KIF26B: variants seen among roughly 807,000 people sequenced by gnomAD.
KIF26B encodes the protein kinesin family member 26B, also known as kinesin-like protein KIF26B.
In KIF26B, 63 loss-of-function variants were observed where a neutral mutation model predicts 151.2. That is an observed-to-expected ratio of 0.42 (90% CI 0.34 to 0.51). KIF26B has a LOEUF of 0.51. Among genes scored for constraint, KIF26B ranks in the 20% least tolerant of loss-of-function variants. The pLI is 0.07. For missense variants in KIF26B, 2,813 were observed against 2,913.6 expected (o/e 0.97, Z 0.79); for synonymous variants, 1,357 against 1,262.1 (o/e 1.08, Z -1.59).
At chr1:245,423,276 T>C (rs1406211268) in intron 4 of KIF26B, among the ~76,000 whole-genome samples, 1 of 152,084 alleles carries the variant, frequency 6.6e-6, no homozygotes, top group Non-Finnish European at 1.5e-5. Flanking sequence ...CAAACCCCCT[T>C]CATCTTCACA....
intron 2 of KIF26B, among the ~76,000 whole-genome samples, chr1:245,253,269 A>G (rs1044063708): frequency 7.2e-5 from 11 of 152,090 alleles, no homozygotes; most frequent in Non-Finnish European, 1.6e-4. Context: ...TTGGCCTCCC[A>G]AAGTGCTGGG....
At chr1:245,506,478 A>G (rs1163310573) in intron 4 of KIF26B, among the ~76,000 whole-genome samples, 1 of 152,140 alleles carries the variant, frequency 6.6e-6, no homozygotes, top group Non-Finnish European at 1.5e-5. Flanking sequence ...CTTAATCTGT[A>G]TTATGATCTT....
intron 4 of KIF26B, among the ~76,000 whole-genome samples, chr1:245,531,362 TG>T (rs1661354596): frequency 6.6e-6 from 1 of 152,202 alleles, no homozygotes; most frequent in Admixed American, 6.5e-5. Flanking sequence ...GTCCCAGGTC[TG>T]AGAGTCAGCA....
In KIF26B at chr1:245,623,573, G is replaced by A. The variant is rs542150913; in HGVS notation, c.2098+11597G>A. 5.3e-5 allele frequency among the ~76,000 whole-genome samples: 8 copies of A among 152,176 alleles called. No homozygotes were observed. The South Asian group carries it at 8.3e-4, about 16-fold the overall frequency. ...TTGAGCATCCCTAATCTGAAAATTC[G>A]AAATCCGAGATGCTCCAAATCTGAA... On this transcript the variant is annotated intron_variant, in intron 9 of 14. Coordinates refer to ENST00000407071, the MANE Select transcript of KIF26B (RefSeq NM_018012.4).
chr1:245,440,084 G>T (rs1366259849), intron 4 of KIF26B, among the ~76,000 whole-genome samples: 11 of 152,158 alleles, frequency 7.2e-5, no homozygotes, highest in Admixed American at 7.2e-4. Context: ...AGCCGGGCGT[G>T]GTGGCGGGAG....
chr1:245,310,622 GCTCATTCAGATGTTGC>G (rs1338746891), intron 2 of KIF26B, among the ~76,000 whole-genome samples: 1 of 152,230 alleles, frequency 6.6e-6, no homozygotes, highest in African/African-American at 2.4e-5. Context: ...TGTATTGGAA[GCTCATTCAGATGTTGC>G]CTTCTTTTGC....
rs1019659704 is a variant in KIF26B at position 245,173,615 on chromosome 1, G to C, written c.465+16932G>C. Among the ~76,000 whole-genome samples the C allele has an allele frequency of 3.9e-5, 6 of 152,290 alleles. No individual in the cohort carries two copies. In the South Asian group the frequency reaches 8.3e-4, roughly 21 times the overall value. On this transcript the variant is annotated intron_variant, in intron 2 of 14. Coordinates refer to ENST00000407071, the MANE Select transcript of KIF26B (RefSeq NM_018012.4). ...GATGCCTGGAGACGCGGGCCGGGGA[G>C]GCTGTGGTCCTGCACTCACTGCACA...
intron 9 of KIF26B, among the ~76,000 whole-genome samples, chr1:245,613,070 C>T (rs1037100558): frequency 6.6e-6 from 1 of 152,164 alleles, no homozygotes; most frequent in South Asian, 2.1e-4. Context: ...GGTAACGGGG[C>T]TGCTGGGCTG....
At chr1:245,391,111 G>A (rs568520388) in intron 3 of KIF26B, among the ~76,000 whole-genome samples, 3 of 151,966 alleles carry the variant, frequency 2.0e-5, no homozygotes, top group Non-Finnish European at 4.4e-5. Context: ...TATGGAATGG[G>A]TCAACGTCTG....
rs1485420124 is a variant in KIF26B at position 245,601,906 on chromosome 1, C to T, written c.1351-671C>T. 6.6e-6 allele frequency among the ~76,000 whole-genome samples: 1 copy of T among 152,190 alleles called. No homozygotes were observed. The highest frequency in any genetic ancestry group is 1.5e-5 in the Non-Finnish European group (1 of 68,036). ...ACCAGAGGTGCTCAGTGTTCAATCA[C>T]GCAGAAAGTGGGCTAAAGGGCAGCG... On this transcript the variant is annotated intron_variant, in intron 5 of 14. Coordinates refer to ENST00000407071, the MANE Select transcript of KIF26B (RefSeq NM_018012.4). The surrounding 1 kb of genome is among the most constrained non-coding windows in gnomAD (Gnocchi z 4.4).
chr1:245,619,859 G>C (rs2043639669), intron 9 of KIF26B, among the ~76,000 whole-genome samples: 1 of 152,088 alleles, frequency 6.6e-6, no homozygotes, highest in Non-Finnish European at 1.5e-5. Flanking sequence ...CTTGCAGTGA[G>C]CTGAGATCAC....
chr1:245,385,821 G>C (rs960858934), intron 3 of KIF26B, among the ~76,000 whole-genome samples: 1 of 152,194 alleles, frequency 6.6e-6, no homozygotes, highest in Non-Finnish European at 1.5e-5. Flanking sequence ...TGGCTTAGGA[G>C]GAAGACAGCA....
chr1:245,275,517 G>A (rs1670922193), intron 2 of KIF26B, among the ~76,000 whole-genome samples: 1 of 152,142 alleles, frequency 6.6e-6, no homozygotes, highest in Admixed American at 6.5e-5. Flanking sequence ...AAGATGTAAG[G>A]AAGGGGTCCA....
At chr1:245,326,065 C>T (rs139277373) in intron 2 of KIF26B, among the ~76,000 whole-genome samples, 3 of 152,296 alleles carry the variant, frequency 2.0e-5, no homozygotes, top group Non-Finnish European at 2.9e-5. Flanking sequence ...CCTACTCAGA[C>T]GGGCAATCAT....
chr1:245,433,890 G>T (rs147218767), intron 4 of KIF26B, among the ~76,000 whole-genome samples: 1 of 152,004 alleles, frequency 6.6e-6, no homozygotes, highest in South Asian at 2.1e-4. Context: ...CCCCAGCAAC[G>T]GAAAGAAAGG....
intron 2 of KIF26B, among the ~76,000 whole-genome samples, chr1:245,323,224 T>C (rs1394025270): frequency 6.8e-6 from 1 of 146,696 alleles, no homozygotes. Flanking sequence ...TTGTGACGTA[T>C]GTATTTTGTG....
chr1:245,233,752 C>A (rs1350628832), intron 2 of KIF26B, among the ~76,000 whole-genome samples: 2 of 152,176 alleles, frequency 1.3e-5, no homozygotes, highest in Admixed American at 6.5e-5. Flanking sequence ...CTATTAGTAC[C>A]TGTCCTGTCT....
Position 245,687,065 on chromosome 1 carries a change from A to G in KIF26B, c.4082A>G (p.Lys1361Arg). ...FNKAAPIKGCKISTVSKAMVT... is the reference protein window; with the variant it reads ...FNKAAPIKGCRISTVSKAMVT... ...AAAGCAGCCCCCATCAAAGGCTGCA[A>G]AATATCCACAGTGAGCAAGGCCATG... is the stretch of plus-strand genomic sequence containing the variant. The change falls in exon 12 of 15, where the codon AAA becomes AGA. Residue 1361 changes from lysine to arginine, a missense_variant. By Grantham distance (26) the Lys-to-Arg change is conservative. This residue lies in a region of KIF26B where 2,060 missense variants were observed against 2,088.6 expected (regional missense o/e 0.99). Coordinates refer to ENST00000407071, the MANE Select transcript of KIF26B (RefSeq NM_018012.4). This position sits in a 1 kb window ranked among gnomAD's most constrained non-coding sequence, Gnocchi z 4.9. 1 of 1,613,530 alleles carries G rather than the reference A, an allele frequency of 6.2e-7. No homozygotes were observed. Among genetic ancestry groups the G allele is most frequent in the Non-Finnish European group, 8.5e-7 (1 of 1,179,834 alleles).
chr1:245,692,187 G>C (rs921458473), intron 12 of KIF26B, among the ~76,000 whole-genome samples: 1 of 152,140 alleles, frequency 6.6e-6, no homozygotes, highest in Non-Finnish European at 1.5e-5. Flanking sequence ...TATCTTCTGT[G>C]CTCTTAGAGC....
Sources: allele counts gnomAD v4.1 joint callset (sites outside exome capture counted in the v4.1 genomes callset), GRCh38; gene constraint gnomAD v4.1.1; regional missense constraint gnomAD v4.1.1; non-coding constraint Gnocchi (gnomAD v3.1); transcripts MANE v1.5; gene names NCBI Gene and HGNC (gene_info 2026-07-23, HGNC 2026-07-21).